RANBP9: variants seen among roughly 807,000 people sequenced by gnomAD.
RANBP9 encodes ran-binding protein 9.
In RANBP9, 15 loss-of-function variants were observed where a neutral mutation model predicts 84.3. The ratio of observed to expected loss-of-function variants is 0.18; its 90% CI spans 0.12 to 0.27. The LOEUF is 0.27. Among genes scored for constraint, RANBP9 ranks in the 10% least tolerant of loss-of-function variants. The pLI, the probability that RANBP9 is intolerant of heterozygous loss-of-function variation, is 1.00. For missense variants in RANBP9, 809 were observed against 912.8 expected, an observed-to-expected ratio of 0.89 and a Z score of 1.46; for synonymous variants, 392 against 349.6, an observed-to-expected ratio of 1.12 and a Z score of -1.35.
chr6:13,686,860 A>C (rs772767453), intron 2 of RANBP9, among the ~76,000 whole-genome samples: 2 of 152,138 alleles, frequency 1.3e-5, no homozygotes, highest in Non-Finnish European at 2.9e-5. Context: ...ATTTTAAGGA[A>C]ACTGCTATCA....
intron 2 of RANBP9, among the ~76,000 whole-genome samples, chr6:13,693,594 A>G (rs1766375941): frequency 6.6e-6 from 1 of 152,128 alleles, no homozygotes; most frequent in African/African-American, 2.4e-5. Flanking sequence ...TAAAAATACA[A>G]AAGATTAGCC....
At chr6:13,672,878 A>G (rs1489291361) in intron 2 of RANBP9, among the ~76,000 whole-genome samples, 1 of 152,002 alleles carries the variant, frequency 6.6e-6, no homozygotes, top group Non-Finnish European at 1.5e-5. Flanking sequence ...AGTGAGCTTG[A>G]AAAAAAACTG....
chr6:13,660,819 G>C (rs1454127983), intron 2 of RANBP9, among the ~76,000 whole-genome samples: 1 of 152,126 alleles, frequency 6.6e-6, no homozygotes, highest in East Asian at 1.9e-4. Context: ...AGTCAAGAAG[G>C]CTCATTAAGT....
chr6:13,642,483 T>C lies in RANBP9; in HGVS notation c.1221A>G (p.Arg407=). 2 of 1,569,724 alleles carry C rather than the reference T, an allele frequency of 1.3e-6. No homozygotes were observed. Among genetic ancestry groups the C allele is most frequent in the South Asian group, 1.2e-5 (1 of 86,906 alleles). ...VLEELASIKN[R]QRIQKLVLAG... ...CATGCACCACAGTGTCCTTACTTTG[T>C]CTATTCTTAATGGAAGCTAATTCTT... Residue 407 remains arginine (R), a synonymous_variant, in exon 7 of 14, where the codon AGA becomes AGG. Transcript: ENST00000011619.
intron 12 of RANBP9, among the ~76,000 whole-genome samples, chr6:13,627,630 C>CAAAAAA (rs35401168): frequency 9.0e-5 from 6 of 66,396 alleles, no homozygotes; most frequent in Non-Finnish European, 1.5e-4. Context: ...ACTCCATCTC[C>CAAAAAA]AAAAAAAAAA....
At chr6:13,710,557 A>G (rs1034175689) in intron 1 of RANBP9, among the ~76,000 whole-genome samples, 1 of 152,114 alleles carries the variant, frequency 6.6e-6, no homozygotes, top group African/African-American at 2.4e-5. Context: ...CACCACCTGG[A>G]GAACAATGTA....
intron 2 of RANBP9, among the ~76,000 whole-genome samples, chr6:13,660,566 T>C (rs1562308966): frequency 6.6e-6 from 1 of 152,148 alleles, no homozygotes; most frequent in African/African-American, 2.4e-5. Flanking sequence ...TAAAATGATG[T>C]AGACACACAT....
intron 12 of RANBP9, among the ~76,000 whole-genome samples, chr6:13,628,870 C>G (rs551289127): frequency 4.6e-5 from 7 of 152,284 alleles, no homozygotes; most frequent in Admixed American, 6.5e-5. Context: ...TTCATTACTG[C>G]TGGTAAAAGT....
chr6:13,707,583 C>G (rs1478469114), intron 1 of RANBP9, among the ~76,000 whole-genome samples: 1 of 152,148 alleles, frequency 6.6e-6, no homozygotes, highest in Non-Finnish European at 1.5e-5. Context: ...GAAAAGAACA[C>G]TAAATCTGGA....
chr6:13,625,589 AAACACCCTCTC>A, intron 13 of RANBP9, 53 bp downstream of exon 13: 1 of 1,199,058 alleles, frequency 8.3e-7, no homozygotes, highest in African/African-American at 1.5e-5. Context: ...ATGCCAGTAC[AAACACCCTCTC>A]TTAAATTTTC....
In RANBP9 at chr6:13,622,210, G is replaced by C; in HGVS notation, c.*152C>G. 1.4e-6 allele frequency: 1 copy of C among 692,972 alleles called. No homozygotes were observed. Among genetic ancestry groups the C allele is most frequent in the Non-Finnish European group, 2.1e-6 (1 of 487,682 alleles). The allele number at this position is 692,972 out of a possible 1,614,324, so 42.9% of individuals were successfully genotyped here. ...CTAACACTAAGTTAGAAAATCATTT[G>C]CATCATGCTGTAAACTAGGAAGCAA... On this transcript the variant is annotated 3_prime_UTR_variant, in exon 14 of 14. Coordinates refer to ENST00000011619, the MANE Select transcript of RANBP9 (RefSeq NM_005493.3).
chr6:13,705,882 A>AAAAG (rs1361603272), intron 1 of RANBP9, among the ~76,000 whole-genome samples: 1 of 151,682 alleles, frequency 6.6e-6, no homozygotes, highest in Non-Finnish European at 1.5e-5. Context: ...AAAAAAAAAA[A>AAAAG]AAAAGAAACA....
At chr6:13,629,815 G>A (rs1639782297) in intron 12 of RANBP9, among the ~76,000 whole-genome samples, 2 of 151,778 alleles carry the variant, frequency 1.3e-5, no homozygotes, top group Admixed American at 1.3e-4. Context: ...AAAACTAAAA[G>A]GAAAAAGGTC....
intron 2 of RANBP9, among the ~76,000 whole-genome samples, chr6:13,669,199 C>T (rs547637425): frequency 6.6e-5 from 10 of 151,812 alleles, no homozygotes; most frequent in Non-Finnish European, 1.0e-4. Flanking sequence ...ACACTAAAAA[C>T]GACATTGTTG....
At chr6:13,625,551 T>TG in intron 13 of RANBP9, 102 bp downstream of exon 13, 1 of 693,406 alleles carries the variant, frequency 1.4e-6, no homozygotes, top group South Asian at 2.3e-5. Flanking sequence ...ATAGAAAACA[T>TG]TTTCCTGATG....
intron 1 of RANBP9, among the ~76,000 whole-genome samples, chr6:13,709,428 A>G (rs1483260040): frequency 6.6e-6 from 1 of 152,246 alleles, no homozygotes; most frequent in Non-Finnish European, 1.5e-5. Flanking sequence ...TCAACCATAA[A>G]TTTAAAATTA....
Position 13,644,176 on chromosome 6 carries a change from A to C in RANBP9, c.1112+369T>G, listed in dbSNP as rs535581241. Among the ~76,000 whole-genome samples, 4 of 152,340 alleles carry C rather than the reference A, an allele frequency of 2.6e-5. No homozygotes were observed. In the East Asian group the frequency reaches 7.7e-4, roughly 29 times the overall value. ...AGATCCTGATTATAAGATCTAGATT[A>C]TCTCTCAACTTTATCTTTTCCATTA... On this transcript the variant is annotated intron_variant, in intron 6 of 13. Coordinates refer to ENST00000011619, the MANE Select transcript of RANBP9 (RefSeq NM_005493.3).
chr6:13,656,402 A>T lies in RANBP9; in HGVS notation c.904+707T>A, dbSNP rs545170688. ...TTATCCTTTATATTTTCTATAGTTT[A>T]AAAAAAAAAACTTCTAAGAAAATGG... On this transcript the variant is annotated intron_variant, in intron 4 of 13. Coordinates refer to ENST00000011619, the MANE Select transcript of RANBP9 (RefSeq NM_005493.3). Among the ~76,000 whole-genome samples, 87 of 81,706 alleles carry T rather than the reference A, an allele frequency of 1.1e-3. No homozygotes were observed. In the East Asian group the frequency reaches 0.017, roughly 16 times the overall value. The allele number at this position is 81,706 out of a possible 152,430, so 53.6% of individuals were successfully genotyped here. A position where few individuals can be genotyped will look rare whatever the true frequency, so the allele number is the denominator to read the frequency against.
At chr6:13,654,821 G>T (rs1056907662) in intron 4 of RANBP9, among the ~76,000 whole-genome samples, 1 of 152,208 alleles carries the variant, frequency 6.6e-6, no homozygotes, top group African/African-American at 2.4e-5. Context: ...AGTAATTTCT[G>T]CTCATCAATG....
Sources: allele counts gnomAD v4.1 joint callset (sites outside exome capture counted in the v4.1 genomes callset), GRCh38; gene constraint gnomAD v4.1.1; transcripts MANE v1.5; gene names NCBI Gene and HGNC (gene_info 2026-07-23, HGNC 2026-07-21).